Variants in DECR2 observed in about 807,000 individuals in gnomAD.
DECR2 encodes the protein peroxisomal 2,4-dienoyl-CoA reductase [(3E)-enoyl-CoA-producing].
Under a neutral mutation model 29.2 loss-of-function variants are expected in DECR2, and 34 were observed. The ratio of observed to expected loss-of-function variants is 1.16; its 90% CI spans 0.89 to 1.55. DECR2 has a LOEUF of 1.55. Among genes scored for constraint, DECR2 ranks in the 40% most tolerant of loss-of-function variants. DECR2 has a pLI of 0.00. For synonymous variants in DECR2, 224 were observed against 182.7 expected, an observed-to-expected ratio of 1.23 and a Z score of -1.82; for missense variants, 485 against 425.3, an observed-to-expected ratio of 1.14 and a Z score of -1.23.
intron 1 of DECR2, among the ~76,000 whole-genome samples, 171 bp downstream of exon 1, chr16:402,214 G>T (rs1279959672): frequency 2.0e-5 from 3 of 149,434 alleles, no homozygotes; most frequent in African/African-American, 7.4e-5. Context: ...TCGCTGTGTC[G>T]CCCAGGCTGG....
chr16:405,899 G>A (rs571812323), intron 2 of DECR2, among the ~76,000 whole-genome samples: 39 of 152,338 alleles, frequency 2.6e-4, no homozygotes, highest in Non-Finnish European at 5.0e-4. Flanking sequence ...AATCCTAGCG[G>A]CATTCCTGGA....
chr16:402,160 C>T, intron 1 of DECR2, 117 bp downstream of exon 1: 1 of 680,820 alleles, frequency 1.5e-6, no homozygotes, highest in Non-Finnish European at 2.0e-6. Flanking sequence ...TGCCTGGCTC[C>T]TTTCTTTCTT....
rs922556875 is a variant in DECR2 at position 410,542 on chromosome 16, C to T, written c.463-149C>T. 2 of 1,470,276 alleles carry T rather than the reference C, an allele frequency of 1.4e-6. No individual in the cohort carries two copies. The highest frequency in any genetic ancestry group is 2.3e-5 in the East Asian group (1 of 43,060). The allele number at this position is 1,470,276 out of a possible 1,614,324, so 91.1% of individuals were successfully genotyped here. A position where few individuals can be genotyped will look rare whatever the true frequency, so the allele number is the denominator to read the frequency against. On this transcript the variant is annotated intron_variant, in intron 5 of 8. Coordinates refer to ENST00000219481, the MANE Select transcript of DECR2 (RefSeq NM_020664.4). This position sits in a 1 kb window ranked among gnomAD's most constrained non-coding sequence, Gnocchi z 4.1. ...GCCCGCTCCCTGCCCTGGGCCTCCC[C>T]ATGACGGCCGCCCGCTCCCTGCCCT...
chr16:410,799 C>G lies in DECR2; in HGVS notation c.556+15C>G. 1 of 1,569,380 alleles carries G rather than the reference C, an allele frequency of 6.4e-7. No homozygotes were observed. The highest frequency in any genetic ancestry group is 8.6e-7 in the Non-Finnish European group (1 of 1,158,136). The stretch of plus-strand genomic sequence containing the variant: ...GGCCGCTGTGGGTATGACCACCCCC[C>G]CCCGCCCAGGTTTGCCCACGTGGGT... On this transcript the variant is annotated intron_variant, in intron 6 of 8. Transcript: ENST00000219481. The surrounding 1 kb of genome is among the most constrained non-coding windows in gnomAD (Gnocchi z 4.1).
Position 407,406 on chromosome 16 carries a change from C to G in DECR2, c.202-19C>G. ...CCGAGGCTGCAGGGCTGCTGTCTGC[C>G]TCTTTACCTGGCTTCTAGGCCGCCA... On this transcript the variant is annotated intron_variant, in intron 3 of 8. Transcript: ENST00000219481. 2 of 1,598,690 alleles carry G rather than the reference C, an allele frequency of 1.3e-6. No homozygotes were observed. Among genetic ancestry groups the G allele is most frequent in the Non-Finnish European group, 1.7e-6 (2 of 1,175,466 alleles).
Position 410,296 on chromosome 16 carries a change from A to C in DECR2, c.391A>C (p.Lys131Gln). 1 of 1,613,654 alleles carries C rather than the reference A, an allele frequency of 6.2e-7. No individual in the cohort carries two copies. The highest frequency in any genetic ancestry group is 2.2e-5 in the East Asian group (1 of 44,850). ...PAGALSFNAFKTVMDIDTSGT... is the reference protein window; with the variant it reads ...PAGALSFNAFQTVMDIDTSGT... ...TGGCGCCTTGTCCTTCAACGCCTTCAAGACCGTGATGGACATCGATACCAG... is the reference window on the plus strand; with the variant it reads ...TGGCGCCTTGTCCTTCAACGCCTTCCAGACCGTGATGGACATCGATACCAG... The change falls in exon 5 of 9, where the codon AAG becomes CAG. Residue 131 changes from lysine to glutamine, a missense_variant. Physicochemically the swap from Lys to Gln is moderately conservative, Grantham distance 53 (BLOSUM62 1). Transcript: ENST00000219481. This position sits in a 1 kb window ranked among gnomAD's most constrained non-coding sequence, Gnocchi z 4.1.
Position 404,959 on chromosome 16 carries a change from C to G in DECR2, c.84C>G (p.Asp28Glu), listed in dbSNP as rs755273168. Residue 28 changes from aspartate to glutamate, a missense_variant, in exon 2 of 9, where the codon GAC becomes GAG. By Grantham distance (45) the Asp-to-Glu change is conservative. Transcript: ENST00000219481. ...RHLFCPDLLRDKVAFITGGGS... is the reference protein window; with the variant it reads ...RHLFCPDLLREKVAFITGGGS... ...GAGCCTCCTTTTTTATTCTCAGGGA[C>G]AAAGTGGCCTTCATCACAGGAGGCG... The G allele has an allele frequency of 2.5e-6, 4 of 1,613,952 alleles. No individual in the cohort carries two copies. The highest frequency in any genetic ancestry group is 1.3e-5 in the African/African-American group (1 of 74,916).
At chr16:404,141 C>G (rs1043399387) in intron 1 of DECR2, among the ~76,000 whole-genome samples, 10 of 151,742 alleles carry the variant, frequency 6.6e-5, no homozygotes, top group African/African-American at 2.4e-4. Flanking sequence ...CCACTGCACT[C>G]CAGCCTGGGC....
intron 1 of DECR2, among the ~76,000 whole-genome samples, chr16:404,169 T>A (rs1323010935): frequency 2.0e-5 from 3 of 151,266 alleles, no homozygotes; most frequent in African/African-American, 7.3e-5. Flanking sequence ...CGAGACTCCA[T>A]CTCAAAAAAA....
chr16:410,115 G>C lies in DECR2; in HGVS notation c.338-128G>C, dbSNP rs935317104. On this transcript the variant is annotated intron_variant, in intron 4 of 8. Coordinates refer to ENST00000219481, the MANE Select transcript of DECR2 (RefSeq NM_020664.4). The surrounding 1 kb of genome is among the most constrained non-coding windows in gnomAD (Gnocchi z 4.1). ...ATTTTGGAATTTATCCTAGGGCATGGGTCTCCTCCCTGTGCCACAGGGCAC... is the reference window on the plus strand; with the variant it reads ...ATTTTGGAATTTATCCTAGGGCATGCGTCTCCTCCCTGTGCCACAGGGCAC... The C allele has an allele frequency of 4.1e-5, 55 of 1,346,164 alleles. No homozygotes were observed. Among genetic ancestry groups the C allele is most frequent in the Non-Finnish European group, 4.0e-6 (4 of 998,258 alleles). The allele number at this position is 1,346,164 out of a possible 1,614,324, so 83.4% of individuals were successfully genotyped here.
rs748761351 is a variant in DECR2, at chr16:410,833, G to A, written c.556+49G>A. On this transcript the variant is annotated intron_variant, in intron 6 of 8. Transcript: ENST00000219481. The surrounding 1 kb of genome is among the most constrained non-coding windows in gnomAD (Gnocchi z 4.1). ...GGTTTGCCCACGTGGGTCCCCAATGGGCCGTCTGCTTCCATCCCAGGAGGC... is the reference window on the plus strand; with the variant it reads ...GGTTTGCCCACGTGGGTCCCCAATGAGCCGTCTGCTTCCATCCCAGGAGGC... 217 of 1,537,694 alleles carry A rather than the reference G, an allele frequency of 1.4e-4. No individual in the cohort carries two copies. Among genetic ancestry groups the A allele is most frequent in the Non-Finnish European group, 4.4e-6 (5 of 1,136,180 alleles).
Position 411,589 on chromosome 16 carries a change from G to T in DECR2, c.*11G>T, listed in dbSNP as rs1372316264. ...TCTGCTAAGCTCTAGGTGAGGTACTGCTCCCGCTTCTTGGGGTCATCTGTG... is the reference window on the plus strand; with the variant it reads ...TCTGCTAAGCTCTAGGTGAGGTACTTCTCCCGCTTCTTGGGGTCATCTGTG... On this transcript the variant is annotated intron_variant, in intron 8 of 8. Transcript: ENST00000219481. 6.2e-7 allele frequency: 1 copy of T among 1,601,642 alleles called. No individual in the cohort carries two copies. Among genetic ancestry groups the T allele is most frequent in the Admixed American group, 1.7e-5 (1 of 59,418 alleles).
rs750715885 is a variant in DECR2, at chr16:407,489, C to T, written c.266C>T (p.Ala89Val). The change falls in exon 4 of 9, where the codon GCG (alanine) becomes GTG (valine). Residue 89 changes from alanine to valine, a missense_variant. Ala to Val is a moderately conservative substitution (Grantham distance 64, BLOSUM62 0). Transcript: ENST00000219481. ...RCLPLSMDVR[A>V]PPAVMAAVDQ... ...CTCCCTCTCTCTATGGACGTCCGAG[C>T]GCCCCCAGCTGTCATGGCCGCCGTG... 27 of 1,613,714 alleles carry T rather than the reference C, an allele frequency of 1.7e-5. No individual in the cohort carries two copies. Among genetic ancestry groups the T allele is most frequent in the Middle Eastern group, 3.3e-4 (2 of 6,054 alleles).
chr16:411,382 G>A lies in DECR2; in HGVS notation c.683G>A (p.Ser228Asn). ...RRLGGPQASL[S>N]TKVTASPLQR... ...CCAGGTGGCCCTCAGGCCAGCCTGA[G>A]CACCAAGGTCACTGCCAGCCCGCTG... Residue 228 changes from serine to asparagine, a missense_variant, in exon 8 of 9, where the codon AGC becomes AAC. Coordinates refer to ENST00000219481, the MANE Select transcript of DECR2 (RefSeq NM_020664.4). 5 of 1,610,098 alleles carry A rather than the reference G, an allele frequency of 3.1e-6. No homozygotes were observed. Among genetic ancestry groups the A allele is most frequent in the African/African-American group, 1.3e-5 (1 of 75,046 alleles).
rs567932026 is a variant in DECR2 at position 407,412 on chromosome 16, A to G, written c.202-13A>G. ...CTGCAGGGCTGCTGTCTGCCTCTTTACCTGGCTTCTAGGCCGCCAGGAAGC... is the reference window on the plus strand; with the variant it reads ...CTGCAGGGCTGCTGTCTGCCTCTTTGCCTGGCTTCTAGGCCGCCAGGAAGC... On this transcript the variant is annotated splice_polypyrimidine_tract_variant and intron_variant, in intron 3 of 8. Transcript: ENST00000219481. 295 of 1,600,790 alleles carry G rather than the reference A, an allele frequency of 1.8e-4. No individual in the cohort carries two copies. Among genetic ancestry groups the G allele is most frequent in the Non-Finnish European group, 2.4e-4 (285 of 1,176,198 alleles).
chr16:404,786 C>T (rs534733078), intron 1 of DECR2, among the ~76,000 whole-genome samples, 170 bp from the exon 2 acceptor site: 16 of 152,026 alleles, frequency 1.1e-4, no homozygotes, highest in African/African-American at 1.7e-4. Flanking sequence ...CCCACCACCA[C>T]GCCCAGCTGA....
intron 3 of DECR2, chr16:406,664 A>T (rs1384379457): frequency 3.2e-6 from 2 of 617,442 alleles, no homozygotes; most frequent in Non-Finnish European, 5.5e-6. Context: ...CGCCTGGCTA[A>T]TTTTTGCATT....
At chr16:403,169 A>C (rs1243065228) in intron 1 of DECR2, 1 of 263,248 alleles carries the variant, frequency 3.8e-6, no homozygotes, top group African/African-American at 2.3e-5. Context: ...GACTATAGGC[A>C]CACAATACCA....
chr16:410,920 G>C lies in DECR2; in HGVS notation c.557-52G>C. 1 of 1,549,084 alleles carries C rather than the reference G, an allele frequency of 6.5e-7. No individual in the cohort carries two copies. ...CAGCGAGACCTGGCCTTGGCCCTGC[G>C]CCCTCGCAGAGGGCAGAGCGGCCCT... is the stretch of plus-strand genomic sequence containing the variant. On this transcript the variant is annotated intron_variant, in intron 6 of 8. Coordinates refer to ENST00000219481, the MANE Select transcript of DECR2 (RefSeq NM_020664.4). This position sits in a 1 kb window ranked among gnomAD's most constrained non-coding sequence, Gnocchi z 4.1.
Sources: gnomAD v4.1 joint callset for allele counts (sites outside exome capture counted in the v4.1 genomes callset) on GRCh38, gnomAD v4.1.1 for gene constraint, Gnocchi (gnomAD v3.1) non-coding constraint, MANE v1.5 for transcripts, NCBI Gene and HGNC (gene_info 2026-07-23, HGNC 2026-07-21) for gene names.